The following MZT2B variants were observed in gnomAD, a reference collection of about 807,000 sequenced individuals.
The protein encoded by MZT2B is mitotic spindle organizing protein 2B.
A neutral mutation model predicts 12.1 loss-of-function variants in MZT2B; 11 were observed. That is an observed-to-expected ratio of 0.91 (90% confidence interval 0.57 to 1.50). The LOEUF is 1.50. Ranked by LOEUF, MZT2B falls within the 40% of genes most tolerant of loss-of-function variation. MZT2B has a pLI of 0.00. For synonymous variants in MZT2B, 85 were observed against 109.5 expected (o/e 0.78, Z 1.40); for missense variants, 209 against 227.7 (o/e 0.92, Z 0.53).
At chr2:130,181,852 T>G, upstream of MZT2B, 10 of 1,525,288 alleles carry the variant, frequency 6.6e-6, no homozygotes, top group Non-Finnish European at 7.0e-6. Context: ...TGTTGATTAG[T>G]GCCCCCCCCT....
the MZT2B span, among the ~76,000 whole-genome samples, chr2:130,197,577 G>A: frequency 2.4e-5 from 3 of 126,708 alleles, 1 homozygote; most frequent in Non-Finnish European, 5.3e-5. Flanking sequence ...ATTCAGACTT[G>A]GGACTTGGGA....
At chr2:130,199,392 A>C in the MZT2B span, among the ~76,000 whole-genome samples, 99 of 120,164 alleles carry the variant, frequency 8.2e-4, 25 homozygotes, top group Non-Finnish European at 1.4e-3. Flanking sequence ...GTTTCTACAA[A>C]AAATAAAATT....
chr2:130,200,955 C>T, the MZT2B span, among the ~76,000 whole-genome samples: 2 of 152,278 alleles, frequency 1.3e-5, no homozygotes, highest in Admixed American at 6.5e-5. Flanking sequence ...CTGGAGGAGA[C>T]GTGCTGGCTT....
At chr2:130,191,991 A>G (rs1169937310), downstream of MZT2B, 13 of 1,614,018 alleles carry the variant, frequency 8.1e-6, no homozygotes, top group Non-Finnish European at 1.1e-5. Context: ...CTTGGCATAC[A>G]TGAGATCGAA....
rs1360293707 is a variant in MZT2B at position 130,190,449 on chromosome 2, T to C, written c.320-20T>C. 9 of 1,611,778 alleles carry C rather than the reference T, an allele frequency of 5.6e-6. No individual in the cohort carries two copies. The highest frequency in any genetic ancestry group is 7.6e-6 in the Non-Finnish European group (9 of 1,178,530). On this transcript the variant is annotated intron_variant, in intron 2 of 2. Transcript: ENST00000281871. ...ACGGGGCACGCCCATTCCTAATCATTGTGCTTTGTGTCTCCTCAGGGAGAA... is the reference window on the plus strand; with the variant it reads ...ACGGGGCACGCCCATTCCTAATCATCGTGCTTTGTGTCTCCTCAGGGAGAA...
chr2:130,198,498 G>C, the MZT2B span: 5 of 1,060,698 alleles, frequency 4.7e-6, 1 homozygote, highest in South Asian at 8.5e-5. Flanking sequence ...CCATTGGCTC[G>C]GAGTTCCTGG....
the MZT2B span, among the ~76,000 whole-genome samples, chr2:130,197,126 A>G: frequency 2.0e-5 from 3 of 152,162 alleles, no homozygotes; most frequent in East Asian, 5.8e-4. Context: ...TACCCCTTGA[A>G]GCCTACGGGT....
downstream of MZT2B, chr2:130,195,248 A>G (rs765021130): frequency 8.1e-6 from 13 of 1,612,396 alleles, no homozygotes; most frequent in South Asian, 3.3e-5. Context: ...GACAGTGTGT[A>G]CTGTGAATTT....
chr2:130,191,676 T>G (rs1690261924), downstream of MZT2B: 5 of 1,366,014 alleles, frequency 3.7e-6, no homozygotes, highest in Non-Finnish European at 4.9e-6. Flanking sequence ...ACCCCACCGC[T>G]GTCCATGCAG....
upstream of MZT2B, chr2:130,181,868 C>T (rs543116378): frequency 2.0e-4 from 300 of 1,530,026 alleles, 1 homozygote; most frequent in African/African-American, 3.6e-3. Flanking sequence ...CCCCTTCCCC[C>T]CGCCCGCCCC....
chr2:130,191,336 T>C (rs1446439143), downstream of MZT2B, among the ~76,000 whole-genome samples: 1 of 151,728 alleles, frequency 6.6e-6, no homozygotes, highest in African/African-American at 2.4e-5. Context: ...GAATGCTGTG[T>C]GGAACTCGGT....
At chr2:130,183,530 C>T (rs575051559) in intron 2 of MZT2B, 8 of 611,254 alleles carry the variant, frequency 1.3e-5, no homozygotes, top group South Asian at 7.4e-5. Context: ...CTTCTGCTCC[C>T]GATGGCTCTC....
At chr2:130,181,859 C>G (rs1472694608), upstream of MZT2B, 9 of 1,535,288 alleles carry the variant, frequency 5.9e-6, no homozygotes, top group East Asian at 2.5e-5. Context: ...TAGTGCCCCC[C>G]CCTTCCCCCC....
chr2:130,198,610 G>A, the MZT2B span: 3 of 459,800 alleles, frequency 6.5e-6, 1 homozygote, highest in South Asian at 6.4e-5. Context: ...GAAGGCAGCG[G>A]GGTCATCAAA....
At chr2:130,191,258 C>T (rs577352200), downstream of MZT2B, among the ~76,000 whole-genome samples, 9 of 152,286 alleles carry the variant, frequency 5.9e-5, no homozygotes, top group East Asian at 1.4e-3. Flanking sequence ...AGAGGGCGAA[C>T]GCTGCCTTCC....
chr2:130,190,359 C>T, intron 2 of MZT2B, 110 bp from the exon 3 acceptor site: 1 of 1,510,542 alleles, frequency 6.6e-7, no homozygotes, highest in Admixed American at 1.9e-5. Flanking sequence ...GCTGAAGGGA[C>T]TTTGATGGAA....
downstream of MZT2B, chr2:130,195,044 C>A (rs112151923): frequency 6.2e-7 from 1 of 1,609,540 alleles, no homozygotes; most frequent in African/African-American, 1.3e-5. Flanking sequence ...CCCTCCCATG[C>A]AAGACAATGG....
upstream of MZT2B, chr2:130,182,026 G>C (rs1472867407): frequency 6.7e-6 from 9 of 1,351,776 alleles, no homozygotes; most frequent in Non-Finnish European, 8.6e-6. Flanking sequence ...CTATCAGGGA[G>C]GCCCAGATCG....
chr2:130,194,121 AG>A (rs1690344133), downstream of MZT2B: 1 of 1,614,026 alleles, frequency 6.2e-7, no homozygotes, highest in African/African-American at 1.3e-5. Flanking sequence ...AATCGCAGGG[AG>A]GCCGTGATGG....
Sources: allele counts gnomAD v4.1 joint callset (sites outside exome capture counted in the v4.1 genomes callset), GRCh38; gene constraint gnomAD v4.1.1; transcripts MANE v1.5; gene names NCBI Gene and HGNC (gene_info 2026-07-23, HGNC 2026-07-21).